Variants in PPM1H observed in about 807,000 individuals in gnomAD.
PPM1H encodes protein phosphatase 1H.
A neutral mutation model predicts 54.9 loss-of-function variants in PPM1H; 27 were observed. That is an observed-to-expected ratio of 0.49 (90% CI 0.36 to 0.68). PPM1H has a LOEUF of 0.68. Ranked by LOEUF, PPM1H falls within the 30% of genes least tolerant of loss-of-function variation. The pLI is 0.00. For missense variants in PPM1H, 596 were observed against 667.8 expected (o/e 0.89, Z 1.19); for synonymous variants, 305 against 270.8 (o/e 1.13, Z -1.24).
At chr12:62,650,495 A>G (rs1466332249) in intron 9 of PPM1H, among the ~76,000 whole-genome samples, 1 of 152,208 alleles carries the variant, frequency 6.6e-6, no homozygotes, top group African/African-American at 2.4e-5. Flanking sequence ...CTAAGTAAAT[A>G]TCTGAAAATC....
At chr12:62,737,142 A>C (rs1488797417) in intron 5 of PPM1H, among the ~76,000 whole-genome samples, 1 of 151,864 alleles carries the variant, frequency 6.6e-6, no homozygotes, top group African/African-American at 2.4e-5. Context: ...GTTTGAGTTA[A>C]AGTGAGTAGC....
chr12:62,677,616 C>T (rs543406226), intron 8 of PPM1H, among the ~76,000 whole-genome samples: 3 of 152,306 alleles, frequency 2.0e-5, no homozygotes, highest in Non-Finnish European at 2.9e-5. Flanking sequence ...TGCTTACTCG[C>T]TCACACACCC....
chr12:62,788,928 A>G (rs1365492067), intron 3 of PPM1H, among the ~76,000 whole-genome samples: 2 of 152,064 alleles, frequency 1.3e-5, no homozygotes, highest in African/African-American at 4.8e-5. Flanking sequence ...GTCTTGCCAC[A>G]TTGTCCAGGC....
intron 1 of PPM1H, among the ~76,000 whole-genome samples, chr12:62,895,515 G>A (rs1375017008): frequency 6.6e-6 from 1 of 151,772 alleles, no homozygotes; most frequent in African/African-American, 2.4e-5. Context: ...CTACTGCTAC[G>A]GTTTGCATAG....
At chr12:62,776,069 C>A (rs2076609102) in intron 4 of PPM1H, among the ~76,000 whole-genome samples, 1 of 152,132 alleles carries the variant, frequency 6.6e-6, no homozygotes, top group Non-Finnish European at 1.5e-5. Context: ...ACGAGACTTA[C>A]TCTCTATCAT....
At chr12:62,887,604 G>A (rs1438934814) in intron 1 of PPM1H, among the ~76,000 whole-genome samples, 2 of 152,194 alleles carry the variant, frequency 1.3e-5, no homozygotes, top group African/African-American at 4.8e-5. Flanking sequence ...CAAGGACCCT[G>A]CTCTCATGGT....
chr12:62,883,708 T>C (rs1384734390), intron 1 of PPM1H, among the ~76,000 whole-genome samples: 1 of 152,174 alleles, frequency 6.6e-6, no homozygotes, highest in African/African-American at 2.4e-5. Flanking sequence ...ACTTTGTCAC[T>C]TGTAAAATGA....
intron 1 of PPM1H, among the ~76,000 whole-genome samples, chr12:62,877,709 C>G (rs1301200479): frequency 1.3e-5 from 2 of 152,162 alleles, no homozygotes; most frequent in African/African-American, 4.8e-5. Context: ...CCACCTGGCA[C>G]AGCCACACTG....
At chr12:62,767,207 G>T (rs1414264533) in intron 4 of PPM1H, among the ~76,000 whole-genome samples, 1 of 152,150 alleles carries the variant, frequency 6.6e-6, no homozygotes, top group African/African-American at 2.4e-5. Context: ...GGCAACATCG[G>T]GATGTGAGTG....
At chr12:62,822,474 T>C (rs2076910344) in intron 2 of PPM1H, among the ~76,000 whole-genome samples, 1 of 152,046 alleles carries the variant, frequency 6.6e-6, no homozygotes, top group African/African-American at 2.4e-5. Flanking sequence ...ACATAGCACT[T>C]ATTCCAAAAG....
intron 2 of PPM1H, among the ~76,000 whole-genome samples, chr12:62,827,521 C>A (rs1219611391): frequency 6.6e-6 from 1 of 152,138 alleles, no homozygotes; most frequent in African/African-American, 2.4e-5. Flanking sequence ...TTGCCCTTGT[C>A]TAAAATACTT....
At chr12:62,877,834 G>A (rs373220277) in intron 1 of PPM1H, among the ~76,000 whole-genome samples, 6 of 152,180 alleles carry the variant, frequency 3.9e-5, no homozygotes, top group African/African-American at 1.4e-4. Flanking sequence ...CTATTATTTT[G>A]TATTTGCAGG....
At chr12:62,762,568 A>G (rs532921228) in intron 4 of PPM1H, among the ~76,000 whole-genome samples, 327 of 152,322 alleles carry the variant, frequency 2.1e-3, no homozygotes, top group Middle Eastern at 0.01. Context: ...TCAAGAAATG[A>G]GGGTTGCCAT....
chr12:62,681,707 A>G (rs2076019843), intron 8 of PPM1H, among the ~76,000 whole-genome samples: 1 of 152,238 alleles, frequency 6.6e-6, no homozygotes, highest in Non-Finnish European at 1.5e-5. Flanking sequence ...GAAAGCAGGA[A>G]ACACATGCTT....
chr12:62,854,265 G>A (rs971026543), intron 1 of PPM1H, among the ~76,000 whole-genome samples: 2 of 152,094 alleles, frequency 1.3e-5, no homozygotes, highest in Admixed American at 6.5e-5. Context: ...ACTCTTAACC[G>A]CAATGGATGG....
intron 1 of PPM1H, among the ~76,000 whole-genome samples, chr12:62,866,075 T>C (rs534620450): frequency 1.6e-4 from 25 of 152,324 alleles, no homozygotes; most frequent in African/African-American, 4.3e-4. Context: ...AGTCTAGTTA[T>C]GTCAGATGTG....
intron 1 of PPM1H, among the ~76,000 whole-genome samples, chr12:62,894,338 A>G (rs1870905665): frequency 6.6e-6 from 1 of 152,236 alleles, no homozygotes; most frequent in Non-Finnish European, 1.5e-5. Context: ...GATAAAAGGC[A>G]AGGGCAAGAA....
At chr12:62,682,237 T>A (rs112777731) in intron 8 of PPM1H, among the ~76,000 whole-genome samples, 48 of 152,346 alleles carry the variant, frequency 3.2e-4, no homozygotes, top group African/African-American at 1.1e-3. Context: ...TTTCTGCATA[T>A]CATCACTCTC....
At chr12:62,824,362 G>A (rs1338455882) in intron 2 of PPM1H, among the ~76,000 whole-genome samples, 1 of 152,128 alleles carries the variant, frequency 6.6e-6, no homozygotes, top group Non-Finnish European at 1.5e-5. Flanking sequence ...TCCCCATCAA[G>A]CTATCAATGA....
Sources: gnomAD v4.1 joint callset for allele counts (sites outside exome capture counted in the v4.1 genomes callset) on GRCh38, gnomAD v4.1.1 for gene constraint, MANE v1.5 for transcripts, NCBI Gene and HGNC (gene_info 2026-07-23, HGNC 2026-07-21) for gene names.